GBE1: variants seen among roughly 807,000 people sequenced by gnomAD.
GBE1 encodes the protein 1,4-alpha-glucan-branching enzyme.
A neutral mutation model predicts 88.8 loss-of-function variants in GBE1; 70 were observed. The observed-to-expected ratio is 0.79, with a 90% CI of 0.65 to 0.96. The LOEUF is 0.96. GBE1 is among the 40% of genes least tolerant of loss of function. GBE1 has a pLI of 0.00. For synonymous variants in GBE1, 284 were observed against 300.1 expected (o/e 0.95, Z 0.56); for missense variants, 872 against 871.0 (o/e 1.00, Z -0.01).
chr3:81,628,094 C>T (rs1380556676), intron 7 of GBE1, among the ~76,000 whole-genome samples: 2 of 152,040 alleles, frequency 1.3e-5, no homozygotes, highest in Admixed American at 1.3e-4. Context: ...CAGGGAGGGG[C>T]CATTTGTTCC....
Position 81,750,534 on chromosome 3 carries a change from TATAC to T in GBE1, c.143+10837_143+10840del, listed in dbSNP as rs202044662. ...TCATCTCAAAACATTCATATATATA[TATAC>T]GTATATATATATGTATATATATATG... is the stretch of plus-strand genomic sequence containing the variant. On this transcript the variant is annotated intron_variant, in intron 1 of 15. Transcript: ENST00000429644. Among the ~76,000 whole-genome samples the T allele has an allele frequency of 2.1e-3, 157 of 75,980 alleles. 4 individuals are homozygous for T. The highest frequency in any genetic ancestry group is 0.013 in the East Asian group (9 of 716). 49.8% of individuals were successfully genotyped at this position (75,980 alleles called of 152,430 possible). A position where few individuals can be genotyped will look rare whatever the true frequency, so the allele number is the denominator to read the frequency against.
chr3:81,527,572 T>A (rs1380020586), intron 14 of GBE1, among the ~76,000 whole-genome samples: 2 of 152,096 alleles, frequency 1.3e-5, no homozygotes, highest in African/African-American at 4.8e-5. Context: ...GAACAGACAC[T>A]TCTCAAAAGA....
intron 7 of GBE1, among the ~76,000 whole-genome samples, chr3:81,624,014 A>G (rs1013718142): frequency 6.6e-6 from 1 of 152,078 alleles, no homozygotes; most frequent in Non-Finnish European, 1.5e-5. Flanking sequence ...CCATTTTCAT[A>G]CTGCTATAAA....
At chr3:81,547,390 T>C (rs1327162240) in intron 12 of GBE1, among the ~76,000 whole-genome samples, 1 of 151,522 alleles carries the variant, frequency 6.6e-6, no homozygotes, top group Non-Finnish European at 1.5e-5. Context: ...TTGCAGTCTT[T>C]GCTGACAGTT....
chr3:81,560,340 C>T (rs1384390059), intron 12 of GBE1, among the ~76,000 whole-genome samples: 1 of 151,888 alleles, frequency 6.6e-6, no homozygotes, highest in Non-Finnish European at 1.5e-5. Context: ...CTATAAAAAT[C>T]ATATTGGAAT....
At chr3:81,577,313 A>T (rs1366262225) in intron 12 of GBE1, among the ~76,000 whole-genome samples, 2 of 152,158 alleles carry the variant, frequency 1.3e-5, no homozygotes, top group Admixed American at 6.6e-5. Flanking sequence ...TCTCTAGTCT[A>T]AAAGCTGTAA....
At chr3:81,531,430 G>A (rs879692405) in intron 14 of GBE1, among the ~76,000 whole-genome samples, 12 of 151,784 alleles carry the variant, frequency 7.9e-5, no homozygotes, top group Admixed American at 7.9e-4. Context: ...GGAATGTGCC[G>A]GGTCACATCT....
chr3:81,682,227 C>A (rs1425375971), intron 2 of GBE1, among the ~76,000 whole-genome samples: 2 of 152,124 alleles, frequency 1.3e-5, no homozygotes, highest in Non-Finnish European at 2.9e-5. Context: ...CTTTGGTAGG[C>A]CAAGGCAGGA....
At chr3:81,494,829 G>A (rs1339512392) in intron 15 of GBE1, among the ~76,000 whole-genome samples, 1 of 152,152 alleles carries the variant, frequency 6.6e-6, no homozygotes, top group Non-Finnish European at 1.5e-5. Flanking sequence ...GTGTGGCTAA[G>A]ACAATAACTG....
intron 2 of GBE1, among the ~76,000 whole-genome samples, chr3:81,684,471 T>C (rs1222864345): frequency 6.6e-6 from 1 of 152,166 alleles, no homozygotes. Context: ...CAGAGTACTG[T>C]CTCCATGTTG....
At chr3:81,708,960 C>A (rs1033265378) in intron 1 of GBE1, among the ~76,000 whole-genome samples, 1 of 152,014 alleles carries the variant, frequency 6.6e-6, no homozygotes, top group African/African-American at 2.4e-5. Flanking sequence ...GCAGGTGTAA[C>A]AATTATGAGG....
In GBE1 at chr3:81,684,559, G is replaced by A. The variant is rs144437148; in HGVS notation, c.314-13606C>T. On this transcript the variant is annotated intron_variant, in intron 2 of 15. Transcript: ENST00000429644. ...TAATCCCATTCATGAGGGCTCTCCC[G>A]TCAAGATCTAATTACCTCCCAAAGC... Among the ~76,000 whole-genome samples the A allele has an allele frequency of 3.6e-3, 552 of 152,108 alleles. 2 individuals are homozygous for A. Among genetic ancestry groups the A allele is most frequent in the African/African-American group, 8.9e-3 (370 of 41,502 alleles).
intron 1 of GBE1, among the ~76,000 whole-genome samples, chr3:81,757,149 G>A (rs367803192): frequency 5.9e-5 from 9 of 152,238 alleles, no homozygotes; most frequent in East Asian, 5.8e-4. Flanking sequence ...TGGATATCAT[G>A]TTTCTAATTT....
At chr3:81,658,962 C>T (rs1704982311) in intron 3 of GBE1, among the ~76,000 whole-genome samples, 1 of 151,958 alleles carries the variant, frequency 6.6e-6, no homozygotes, top group Admixed American at 6.6e-5. Context: ...ATGAATTACA[C>T]ATGATACAAA....
chr3:81,736,983 C>G (rs780166933), intron 1 of GBE1, among the ~76,000 whole-genome samples: 5 of 151,872 alleles, frequency 3.3e-5, no homozygotes, highest in Non-Finnish European at 5.9e-5. Context: ...AGCAGGAAGG[C>G]TGGTATTAAG....
chr3:81,609,372 G>C (rs1704142780), intron 7 of GBE1, among the ~76,000 whole-genome samples: 1 of 152,070 alleles, frequency 6.6e-6, no homozygotes, highest in African/African-American at 2.4e-5. Context: ...GCAAACAAAT[G>C]AAGGACTGGA....
At chr3:81,714,385 C>T (rs1705911341) in intron 1 of GBE1, among the ~76,000 whole-genome samples, 1 of 152,116 alleles carries the variant, frequency 6.6e-6, no homozygotes. Context: ...ATGGAACTTA[C>T]AAGTCTGCTT....
chr3:81,709,964 A>T (rs1438530687), intron 1 of GBE1, among the ~76,000 whole-genome samples: 1 of 152,152 alleles, frequency 6.6e-6, no homozygotes, highest in African/African-American at 2.4e-5. Context: ...CTACTACAGG[A>T]ACTAGCATTT....
intron 7 of GBE1, chr3:81,642,563 A>G (rs1156446952): frequency 2.3e-6 from 1 of 430,490 alleles, no homozygotes. Context: ...AATATATTTT[A>G]CATGGCGTAA....
Sources: gnomAD v4.1 joint callset for allele counts (sites outside exome capture counted in the v4.1 genomes callset) on GRCh38, gnomAD v4.1.1 for gene constraint, MANE v1.5 for transcripts, NCBI Gene and HGNC (gene_info 2026-07-23, HGNC 2026-07-21) for gene names.